OTUD7A: variants seen among roughly 807,000 people sequenced by gnomAD.
OTUD7A encodes OTU deubiquitinase 7A.
OTUD7A carries 12 observed loss-of-function variants against 65.7 expected under a neutral mutation model. That is an observed-to-expected ratio of 0.18 (90% CI 0.12 to 0.30). The LOEUF is 0.30. Ranked by LOEUF, OTUD7A falls within the 10% of genes least tolerant of loss-of-function variation. The pLI is 1.00. For missense variants in OTUD7A, 1,148 were observed against 1,304.8 expected, an observed-to-expected ratio of 0.88 and a Z score of 1.85; for synonymous variants, 641 against 586.3, an observed-to-expected ratio of 1.09 and a Z score of -1.35.
chr15:31,767,268 C>T lies in OTUD7A; in HGVS notation c.-100+103239G>A, dbSNP rs113546123. 1,144 of 854,654 alleles carry T rather than the reference C, an allele frequency of 1.3e-3. 4 individuals are homozygous for T. The African/African-American group carries it at 0.017, about 13-fold the overall frequency. 52.9% of individuals were successfully genotyped at this position (854,654 alleles called of 1,614,324 possible). A position where few individuals can be genotyped will look rare whatever the true frequency, so the allele number is the denominator to read the frequency against. ...TCTATCTGAAACTGTTATGTAGCCA[C>T]AAACAACTACCACGAAATGAAACAA... is the stretch of plus-strand genomic sequence containing the variant. On this transcript the variant is annotated intron_variant, in intron 1 of 12. Coordinates refer to ENST00000307050, the MANE Select transcript of OTUD7A (RefSeq NM_001382637.1).
intron 3 of OTUD7A, among the ~76,000 whole-genome samples, chr15:31,607,154 G>A (rs1362465802): frequency 1.3e-5 from 2 of 152,226 alleles, no homozygotes; most frequent in African/African-American, 2.4e-5. Flanking sequence ...ACTAGCATTT[G>A]GAGTTACTTT....
intron 3 of OTUD7A, among the ~76,000 whole-genome samples, chr15:31,620,732 A>G (rs143284950): frequency 1.9e-4 from 19 of 102,422 alleles, no homozygotes; most frequent in African/African-American, 3.9e-4. Context: ...TGGATTCATT[A>G]ATTTTTTGAA....
At chr15:31,857,693 G>A (rs924162013) in intron 1 of OTUD7A, among the ~76,000 whole-genome samples, 5 of 152,144 alleles carry the variant, frequency 3.3e-5, no homozygotes, top group African/African-American at 9.7e-5. Context: ...TGCCCCCCAC[G>A]TCCTTCAACA....
Position 31,487,089 on chromosome 15 carries a change from G to A in OTUD7A, c.1371+105C>T. The stretch of plus-strand genomic sequence containing the variant: ...GGCTGGGGTGGGCGGCCGGGCAGGG[G>A]CAGGCAAGAGTGTGGGAGCATTTGG... On this transcript the variant is annotated intron_variant, in intron 12 of 12. Transcript: ENST00000307050. The surrounding 1 kb of genome is among the most constrained non-coding windows in gnomAD (Gnocchi z 6.0). 5 of 1,147,138 alleles carry A rather than the reference G, an allele frequency of 4.4e-6. No individual in the cohort carries two copies. The highest frequency in any genetic ancestry group is 2.9e-4 in the Middle Eastern group (1 of 3,428). The allele number at this position is 1,147,138 out of a possible 1,614,324, so 71.1% of individuals were successfully genotyped here.
intron 3 of OTUD7A, among the ~76,000 whole-genome samples, chr15:31,595,159 T>C (rs1378441910): frequency 6.6e-6 from 1 of 152,140 alleles, no homozygotes; most frequent in African/African-American, 2.4e-5. Context: ...TGTGTGGCTG[T>C]AGAGTCTATC....
chr15:31,606,629 G>C (rs1890246973), intron 3 of OTUD7A, among the ~76,000 whole-genome samples: 1 of 152,184 alleles, frequency 6.6e-6, no homozygotes, highest in African/African-American at 2.4e-5. Flanking sequence ...TGTGTAAACT[G>C]TAACACTACA....
intron 1 of OTUD7A, among the ~76,000 whole-genome samples, chr15:31,850,802 G>T (rs915696860): frequency 2.6e-5 from 4 of 152,146 alleles, no homozygotes; most frequent in Non-Finnish European, 5.9e-5. Flanking sequence ...GCGGCCCATG[G>T]TACTCTTGGA....
intron 1 of OTUD7A, among the ~76,000 whole-genome samples, chr15:31,840,532 A>G (rs970574612): frequency 2.0e-5 from 3 of 152,256 alleles, no homozygotes; most frequent in Admixed American, 6.5e-5. Flanking sequence ...GAATGATGAA[A>G]GGTAACATTA....
chr15:31,768,083 T>A, intron 1 of OTUD7A: 2 of 1,598,362 alleles, frequency 1.3e-6, no homozygotes, highest in Non-Finnish European at 1.7e-6. Context: ...ACAATTGCCA[T>A]ATTTTTTAAA....
chr15:31,602,766 C>A (rs533535997), intron 3 of OTUD7A, among the ~76,000 whole-genome samples: 6 of 152,142 alleles, frequency 3.9e-5, no homozygotes, highest in African/African-American at 7.2e-5. Context: ...TCTCGGGATA[C>A]AAAATCAATG....
rs181567754 is a variant in OTUD7A at position 31,563,891 on chromosome 15, G to C, written c.332-4704C>G. 2.9e-4 allele frequency among the ~76,000 whole-genome samples: 44 copies of C among 150,340 alleles called. 1 individual carries two copies. The East Asian group carries it at 8.4e-3, about 29-fold the overall frequency. Reference sequence around the variant, plus strand: ...AGTACCCTTCCCCGACTCTCATCTGGAGGAGCATCCACCAGAGCCTGTGCT... The same window carrying C: ...AGTACCCTTCCCCGACTCTCATCTGCAGGAGCATCCACCAGAGCCTGTGCT... On this transcript the variant is annotated intron_variant, in intron 4 of 12. Transcript: ENST00000307050.
At chr15:31,672,751 T>G (rs1892512071) in intron 1 of OTUD7A, among the ~76,000 whole-genome samples, 2 of 152,270 alleles carry the variant, frequency 1.3e-5, no homozygotes, top group South Asian at 4.1e-4. Flanking sequence ...CATAGATGCA[T>G]GATTGGAAGC....
intron 1 of OTUD7A, among the ~76,000 whole-genome samples, chr15:31,799,037 C>A (rs948970612): frequency 6.6e-6 from 1 of 152,224 alleles, no homozygotes; most frequent in Admixed American, 6.5e-5. Context: ...GAGGCAGCCA[C>A]ACAATTATCT....
Position 31,559,048 on chromosome 15 carries a change from G to A in OTUD7A, c.471C>T (p.Ser157=), listed in dbSNP as rs1453825248. 11 of 1,614,204 alleles carry A rather than the reference G, an allele frequency of 6.8e-6. No individual in the cohort carries two copies. Among genetic ancestry groups the A allele is most frequent in the East Asian group, 2.2e-5 (1 of 44,882 alleles). Residue 157 remains serine (S), a synonymous_variant, in exon 5 of 13, where the codon AGC becomes AGT. Coordinates refer to ENST00000307050, the MANE Select transcript of OTUD7A (RefSeq NM_001382637.1). ...PIYTFQLPDL[S]VYSEDFRSFI... Reference sequence around the variant, plus strand: ...AGCTCCTGAAATCCTCGCTGTACACGCTCAGGTCTGGCAACTGGAATGTGT... The same window carrying A: ...AGCTCCTGAAATCCTCGCTGTACACACTCAGGTCTGGCAACTGGAATGTGT...
Position 31,483,730 on chromosome 15 carries a change from T to A in OTUD7A, c.2366A>T (p.Glu789Val). The A allele has an allele frequency of 8.9e-7, 1 of 1,117,562 alleles. No individual in the cohort carries two copies. 69.2% of individuals were successfully genotyped at this position (1,117,562 alleles called of 1,614,324 possible). A position where few individuals can be genotyped will look rare whatever the true frequency, so the allele number is the denominator to read the frequency against. ...IHVQASGARD[E>V]ACAPAVGALR... ...CGCCCCCACGGCCGGCGCGCACGCC[T>A]CGTCCCGCGCGCCCGACGCCTGCAC... The change falls in exon 13 of 13, where the codon GAG (glutamate) becomes GTG (valine). Residue 789 changes from glutamate (E) to valine (V), a missense_variant. By Grantham distance (121) the Glu-to-Val change is moderately radical. This residue lies in a region of OTUD7A where 842 missense variants were observed against 769.5 expected (regional missense o/e 1.09). Coordinates refer to ENST00000307050, the MANE Select transcript of OTUD7A (RefSeq NM_001382637.1).
rs1389929714 is a variant in OTUD7A, at chr15:31,642,403, C to T, written c.151+12693G>A. 5.9e-5 allele frequency among the ~76,000 whole-genome samples: 9 copies of T among 152,100 alleles called. No individual in the cohort carries two copies. In the East Asian group the frequency reaches 7.7e-4, roughly 13 times the overall value. On this transcript the variant is annotated intron_variant, in intron 3 of 12. Coordinates refer to ENST00000307050, the MANE Select transcript of OTUD7A (RefSeq NM_001382637.1). ...TGGTTTTGTATTAGGGTAATGCTGG[C>T]GCAAAGAATGAATGAGTTGGGAAGT...
Position 31,484,574 on chromosome 15 carries a change from G to T in OTUD7A, c.1522C>A (p.Gln508Lys). Residue 508 changes from glutamine to lysine, a missense_variant, in exon 13 of 13, where the codon CAG (glutamine) becomes AAG (lysine). Physicochemically the swap from Gln to Lys is moderately conservative, Grantham distance 53. Coordinates refer to ENST00000307050, the MANE Select transcript of OTUD7A (RefSeq NM_001382637.1). The surrounding 1 kb of genome is among the most constrained non-coding windows in gnomAD (Gnocchi z 4.5). ...KNGKDKEKEK[Q>K]RKEKDKTRAD... ...CGCGTCTTGTCCTTCTCCTTGCGCT[G>T]CTTCTCCTTCTCCTTGTCCTTGCCG... 1 of 1,610,974 alleles carries T rather than the reference G, an allele frequency of 6.2e-7. No homozygotes were observed.
Position 31,669,512 on chromosome 15 carries a change from C to T in OTUD7A, c.-99-12435G>A, listed in dbSNP as rs185069444. On this transcript the variant is annotated intron_variant, in intron 1 of 12. Coordinates refer to ENST00000307050, the MANE Select transcript of OTUD7A (RefSeq NM_001382637.1). ...TCTCCCACTGTGCCTCCCCTAACAG[C>T]CCCAAGTCTGTTTCCAGGCAGTGGG... 2.6e-3 allele frequency among the ~76,000 whole-genome samples: 402 copies of T among 152,322 alleles called. 8 individuals are homozygous for T. The highest frequency in any genetic ancestry group is 7.1e-4 in the Non-Finnish European group (48 of 68,024).
intron 5 of OTUD7A, among the ~76,000 whole-genome samples, chr15:31,554,245 T>G (rs1252646992): frequency 6.6e-6 from 1 of 152,226 alleles, no homozygotes; most frequent in African/African-American, 2.4e-5. Flanking sequence ...TTCATCGGCT[T>G]TCTTCCACTG....
Sources: allele counts gnomAD v4.1 joint callset (sites outside exome capture counted in the v4.1 genomes callset), GRCh38; gene constraint gnomAD v4.1.1; regional missense constraint gnomAD v4.1.1; non-coding constraint Gnocchi (gnomAD v3.1); transcripts MANE v1.5; gene names NCBI Gene and HGNC (gene_info 2026-07-23, HGNC 2026-07-21).